The following DNAAF1 variants were observed in gnomAD, a reference collection of about 807,000 sequenced individuals.
DNAAF1 encodes dynein axonemal assembly factor 1, also known as dynein assembly factor 1, axonemal.
A neutral mutation model predicts 71.1 loss-of-function variants in DNAAF1; 65 were observed. The ratio of observed to expected loss-of-function variants is 0.91; its 90% CI spans 0.75 to 1.12. DNAAF1 has a LOEUF of 1.12. Among genes scored for constraint, DNAAF1 ranks in the 50% most tolerant of loss-of-function variants. The pLI is 0.00. For missense variants in DNAAF1, 1,178 were observed against 899.8 expected (o/e 1.31, Z -3.96); for synonymous variants, 414 against 354.6 (o/e 1.17, Z -1.88).
At chr16:84,157,389 G>A (rs752057891) in intron 5 of DNAAF1, among the ~76,000 whole-genome samples, 4 of 151,622 alleles carry the variant, frequency 2.6e-5, no homozygotes, top group Non-Finnish European at 5.9e-5. Flanking sequence ...TGGGCATGGT[G>A]GTGCACGTCT....
At position 84,170,145 on chromosome 16, in the gene DNAAF1, G is replaced by A. The variant is rs768024430; in HGVS notation, c.1317G>A (p.Glu439=). ...VKGEDGDGEP[E]GTLPAEAPPP... Reference sequence around the variant, plus strand: ...GAGAGGACGGAGATGGAGAGCCAGAGGGGACCCTCCCAGCTGAGGCCCCAC... The same window carrying A: ...GAGAGGACGGAGATGGAGAGCCAGAAGGGACCCTCCCAGCTGAGGCCCCAC... Residue 439 remains glutamate, a synonymous_variant, in exon 8 of 12, where the codon GAG becomes GAA. Coordinates refer to ENST00000378553, the MANE Select transcript of DNAAF1 (RefSeq NM_178452.6). 95 of 1,585,514 alleles carry A rather than the reference G, an allele frequency of 6.0e-5. No homozygotes were observed. The highest frequency in any genetic ancestry group is 4.2e-4 in the South Asian group (37 of 88,944).
In DNAAF1 at chr16:84,154,746, A is replaced by G. The variant is rs1567541155; in HGVS notation, c.522A>G (p.Lys174=). Residue 174 remains lysine, a synonymous_variant, in exon 4 of 12, where the codon AAA becomes AAG. Transcript: ENST00000378553. The stretch of plus-strand genomic sequence containing the variant: ...TTGAGAACCTGGAACCTCTGCAGAA[A>G]CTGGATGCTCTTAACCTCAGCAACA... ...RKIENLEPLQ[K]LDALNLSNNY... 2.5e-6 allele frequency: 4 copies of G among 1,614,152 alleles called. No individual in the cohort carries two copies. Among genetic ancestry groups the G allele is most frequent in the East Asian group, 4.5e-5 (2 of 44,884 alleles).
At chr16:84,157,030 T>C (rs2087471790) in intron 5 of DNAAF1, among the ~76,000 whole-genome samples, 1 of 151,930 alleles carries the variant, frequency 6.6e-6, no homozygotes, top group Admixed American at 6.6e-5. Context: ...TTTTTATATT[T>C]TTTGTAGAGA....
intron 8 of DNAAF1, among the ~76,000 whole-genome samples, chr16:84,170,842 T>C (rs2088293425): frequency 6.6e-6 from 1 of 150,680 alleles, no homozygotes; most frequent in South Asian, 2.1e-4. Context: ...AAAAAATAAA[T>C]TGATTAATAA....
chr16:84,150,476 T>A, intron 3 of DNAAF1, 134 bp downstream of exon 3: 1 of 755,382 alleles, frequency 1.3e-6, no homozygotes, highest in East Asian at 2.7e-5. Context: ...TTAGTGGAGA[T>A]TTATGGAAAA....
At chr16:84,165,981 A>AGTGATATT in intron 7 of DNAAF1, 32 bp downstream of exon 7, 1 of 1,598,724 alleles carries the variant, frequency 6.3e-7, no homozygotes, top group African/African-American at 1.4e-5. Context: ...ACAGCCCCAG[A>AGTGATATT]GTTCCTTTGA....
chr16:84,165,053 A>G (rs1181116609), intron 6 of DNAAF1, among the ~76,000 whole-genome samples: 1 of 152,072 alleles, frequency 6.6e-6, no homozygotes, highest in African/African-American at 2.4e-5. Context: ...CCATCTCTAT[A>G]TCTTTTTTGG....
chr16:84,145,633 C>A lies in DNAAF1; in HGVS notation c.124+69C>A. On this transcript the variant is annotated intron_variant, in intron 1 of 11. Transcript: ENST00000378553. ...ACGGCTAGGCGCTCCAGCCCCCTTC[C>A]CACACCACATACCCGATCTTCACAG... is the stretch of plus-strand genomic sequence containing the variant. 4 of 1,516,946 alleles carry A rather than the reference C, an allele frequency of 2.6e-6. No homozygotes were observed. In the South Asian group the frequency reaches 4.8e-5, roughly 18 times the overall value. 94.0% of individuals were successfully genotyped at this position (1,516,946 alleles called of 1,614,324 possible). A position where few individuals can be genotyped will look rare whatever the true frequency, so the allele number is the denominator to read the frequency against.
chr16:84,151,073 C>A (rs946600763), intron 3 of DNAAF1, among the ~76,000 whole-genome samples: 17 of 152,136 alleles, frequency 1.1e-4, no homozygotes, highest in African/African-American at 3.9e-4. Context: ...GGGTTGGAGG[C>A]CAGTATCACA....
chr16:84,160,144 C>T (rs187632749), intron 6 of DNAAF1, among the ~76,000 whole-genome samples: 22 of 152,264 alleles, frequency 1.4e-4, no homozygotes, highest in African/African-American at 4.6e-4. Flanking sequence ...GAGTTTGTAC[C>T]AATTTACAAC....
intron 9 of DNAAF1, chr16:84,174,347 G>A: frequency 7.9e-7 from 1 of 1,266,582 alleles, no homozygotes; most frequent in Non-Finnish European, 1.0e-6. Flanking sequence ...GGTGCATTTG[G>A]TTTGGGTCCC....
intron 1 of DNAAF1, among the ~76,000 whole-genome samples, chr16:84,148,745 C>T (rs983227555): frequency 9.3e-5 from 14 of 150,924 alleles, no homozygotes; most frequent in South Asian, 2.1e-4. Context: ...AATACAGGCA[C>T]GCACCACTAC....
At chr16:84,149,198 A>G (rs1025207005) in intron 2 of DNAAF1, 56 bp downstream of exon 2, 70 of 1,602,176 alleles carry the variant, frequency 4.4e-5, no homozygotes, top group Non-Finnish European at 5.4e-5. Context: ...AGATGGCGTA[A>G]TCACCCCCTT....
At chr16:84,156,850 T>TC (rs1491209299) in intron 5 of DNAAF1, among the ~76,000 whole-genome samples, 1 of 137,664 alleles carries the variant, frequency 7.3e-6, no homozygotes, top group Non-Finnish European at 1.5e-5. Context: ...TTTCTTTCTT[T>TC]CTTTTTTTTT....
At chr16:84,162,546 C>T (rs931805506) in intron 6 of DNAAF1, among the ~76,000 whole-genome samples, 14 of 151,618 alleles carry the variant, frequency 9.2e-5, no homozygotes, top group African/African-American at 3.4e-4. Flanking sequence ...ACTGGATGGG[C>T]ATGGTGGCTC....
chr16:84,151,868 T>C (rs2087202227), intron 3 of DNAAF1, among the ~76,000 whole-genome samples: 1 of 152,214 alleles, frequency 6.6e-6, no homozygotes, highest in Non-Finnish European at 1.5e-5. Context: ...CCATGGCAGC[T>C]GGCTTCCCTC....
intron 6 of DNAAF1, chr16:84,162,120 T>C (rs1242210764): frequency 1.3e-5 from 2 of 152,268 alleles, no homozygotes; most frequent in South Asian, 2.1e-4. Context: ...TCGTGGTCTT[T>C]CTCTGCTATA....
chr16:84,158,991 A>T lies in DNAAF1; in HGVS notation c.742-684A>T, dbSNP rs111676280. 18 of 980,138 alleles carry T rather than the reference A, an allele frequency of 1.8e-5. No individual in the cohort carries two copies. In the African/African-American group the frequency reaches 2.8e-4, roughly 15 times the overall value. 60.7% of individuals were successfully genotyped at this position (980,138 alleles called of 1,614,324 possible). Reference sequence around the variant, plus strand: ...AGTGATCCACCCACCTCAGCCTCCCAAAGTGCTGAGATTACAGGAGTGAGC... The same window carrying T: ...AGTGATCCACCCACCTCAGCCTCCCTAAGTGCTGAGATTACAGGAGTGAGC... On this transcript the variant is annotated intron_variant, in intron 5 of 11. Transcript: ENST00000378553.
chr16:84,162,814 C>G (rs1293728645), intron 6 of DNAAF1, among the ~76,000 whole-genome samples: 2 of 151,474 alleles, frequency 1.3e-5, no homozygotes, highest in Non-Finnish European at 2.9e-5. Flanking sequence ...GGGAGACTGT[C>G]TCAAAAAAAC....
Sources: gnomAD v4.1 joint callset for allele counts (sites outside exome capture counted in the v4.1 genomes callset) on GRCh38, gnomAD v4.1.1 for gene constraint, MANE v1.5 for transcripts, NCBI Gene and HGNC (gene_info 2026-07-23, HGNC 2026-07-21) for gene names.